ADAMTS15: variants seen among roughly 807,000 people sequenced by gnomAD.
ADAMTS15 encodes the protein A disintegrin and metalloproteinase with thrombospondin motifs 15.
In ADAMTS15, 35 loss-of-function variants were observed where a neutral mutation model predicts 79.1. The observed-to-expected ratio is 0.44, with a 90% CI of 0.34 to 0.59. ADAMTS15 has a LOEUF of 0.59. Ranked by LOEUF, ADAMTS15 falls within the 20% of genes least tolerant of loss-of-function variation. The pLI is 0.02. For synonymous variants in ADAMTS15, 616 were observed against 567.3 expected, an observed-to-expected ratio of 1.09 and a Z score of -1.22; for missense variants, 1,324 against 1,318.7, an observed-to-expected ratio of 1.00 and a Z score of -0.06.
chr11:130,473,145 T>C lies in ADAMTS15; in HGVS notation c.2177T>C (p.Leu726Pro). 6.2e-7 allele frequency: 1 copy of C among 1,614,120 alleles called. No individual in the cohort carries two copies. Among genetic ancestry groups the C allele is most frequent in the Non-Finnish European group, 8.5e-7 (1 of 1,180,046 alleles). ...YKGLIGDDNYLALKNSQGKYL... is the reference protein window; with the variant it reads ...YKGLIGDDNYPALKNSQGKYL... ...GGGCTGATCGGGGATGACAACTACC[T>C]GGCTCTGAAGAACAGCCAAGGCAAG... is the stretch of plus-strand genomic sequence containing the variant. Residue 726 changes from leucine (L) to proline (P), a missense_variant, in exon 8 of 8, where the codon CTG becomes CCG. Physicochemically the swap from Leu to Pro is moderately conservative, Grantham distance 98. Coordinates refer to ENST00000299164, the MANE Select transcript of ADAMTS15 (RefSeq NM_139055.4).
intron 7 of ADAMTS15, 42 bp from the exon 8 acceptor site, chr11:130,473,005 C>T (rs776998408): frequency 1.2e-6 from 2 of 1,601,486 alleles, no homozygotes; most frequent in Non-Finnish European, 1.7e-6. Context: ...GTCCTCAGGT[C>T]CAGGCTTCTA....
In ADAMTS15 at chr11:130,449,140, A is replaced by G. The variant is rs370618159; in HGVS notation, c.167A>G (p.Gln56Arg). ...TCCGGGGATCAGGGACTCATTTTTC[A>G]GATCACAGCATTTCAGGAGGACTTT... The part of the protein sequence containing the change: ...EDSGDQGLIF[Q>R]ITAFQEDFYL... The change falls in exon 1 of 8, where the codon CAG becomes CGG. Residue 56 changes from glutamine to arginine, a missense_variant. Physicochemically the swap from Gln to Arg is conservative, Grantham distance 43 (BLOSUM62 1). Coordinates refer to ENST00000299164, the MANE Select transcript of ADAMTS15 (RefSeq NM_139055.4). The surrounding 1 kb of genome is among the most constrained non-coding windows in gnomAD (Gnocchi z 7.8). 8.8e-6 allele frequency: 14 copies of G among 1,596,816 alleles called. No individual in the cohort carries two copies. The highest frequency in any genetic ancestry group is 1.7e-4 in the Middle Eastern group (1 of 6,020).
In ADAMTS15 at chr11:130,449,407, C is replaced by G. The variant is rs1350696144; in HGVS notation, c.434C>G (p.Pro145Arg). ...VISPLPNASA[P>R]AAQRNSQGAH... is the part of the protein sequence containing the mutation. ...AGCCCGCTGCCCAATGCTAGCGCGC[C>G]GGCGGCGCAGCGCAACAGCCAGGGC... Residue 145 changes from proline (P) to arginine (R), a missense_variant, in exon 1 of 8, where the codon CCG becomes CGG. Coordinates refer to ENST00000299164, the MANE Select transcript of ADAMTS15 (RefSeq NM_139055.4). This position sits in a 1 kb window ranked among gnomAD's most constrained non-coding sequence, Gnocchi z 7.8. 4 of 1,598,000 alleles carry G rather than the reference C, an allele frequency of 2.5e-6. No individual in the cohort carries two copies. Among genetic ancestry groups the G allele is most frequent in the Non-Finnish European group, 2.5e-6 (3 of 1,177,068 alleles).
intron 1 of ADAMTS15, among the ~76,000 whole-genome samples, chr11:130,454,182 C>T (rs1938026668): frequency 6.6e-6 from 1 of 152,182 alleles, no homozygotes; most frequent in Non-Finnish European, 1.5e-5. Context: ...TCTGTTTCCT[C>T]TCCTCTCACT....
At chr11:130,458,947 A>G (rs1420943095) in intron 1 of ADAMTS15, among the ~76,000 whole-genome samples, 2 of 144,178 alleles carry the variant, frequency 1.4e-5, no homozygotes, top group Admixed American at 1.4e-4. Context: ...TCCCTTCCCC[A>G]CAGTTCACAC....
At chr11:130,467,596 G>A (rs1279834175) in intron 4 of ADAMTS15, among the ~76,000 whole-genome samples, 1 of 152,114 alleles carries the variant, frequency 6.6e-6, no homozygotes, top group African/African-American at 2.4e-5. Flanking sequence ...TAGGCACTGT[G>A]AGGGACGGTC....
In ADAMTS15 at chr11:130,472,889, G is replaced by A. The variant is rs1305120202; in HGVS notation, c.2079-158G>A. Among the ~76,000 whole-genome samples the A allele has an allele frequency of 6.6e-6, 1 of 152,192 alleles. No homozygotes were observed. Among genetic ancestry groups the A allele is most frequent in the Admixed American group, 6.5e-5 (1 of 15,282 alleles). On this transcript the variant is annotated intron_variant, in intron 7 of 7. Coordinates refer to ENST00000299164, the MANE Select transcript of ADAMTS15 (RefSeq NM_139055.4). The surrounding 1 kb of genome is among the most constrained non-coding windows in gnomAD (Gnocchi z 4.7). ...GTTCAGCAGCTTTCCAGCACCAATC[G>A]CCAAGGGGCAGGGACCTCTCTGACT...
At chr11:130,470,133 C>CATGT (rs1555080995) in intron 5 of ADAMTS15, among the ~76,000 whole-genome samples, 5 of 74,818 alleles carry the variant, frequency 6.7e-5, no homozygotes, top group African/African-American at 2.3e-4. Flanking sequence ...TATATATATA[C>CATGT]ATATATATAT....
In ADAMTS15 at chr11:130,473,015, A is replaced by G. The variant is rs374920875; in HGVS notation, c.2079-32A>G. 239 of 1,608,144 alleles carry G rather than the reference A, an allele frequency of 1.5e-4. No individual in the cohort carries two copies. The African/African-American group carries it at 2.7e-3, about 18-fold the overall frequency. On this transcript the variant is annotated intron_variant, in intron 7 of 7. Coordinates refer to ENST00000299164, the MANE Select transcript of ADAMTS15 (RefSeq NM_139055.4). Reference sequence around the variant, plus strand: ...ATAAGGTCCTCAGGTCCAGGCTTCTATCTGATGCACGGCCCCCCTTTCCCC... The same window carrying G: ...ATAAGGTCCTCAGGTCCAGGCTTCTGTCTGATGCACGGCCCCCCTTTCCCC...
rs1241814493 is a variant in ADAMTS15 at position 130,461,691 on chromosome 11, T to C, written c.1090+70T>C. ...GGGAGCCTGGAGGGTGGGAGACGTG[T>C]GTCTTTGCCCCCTTGTGTTCTGAAG... On this transcript the variant is annotated intron_variant, in intron 2 of 7. Transcript: ENST00000299164. 7 of 1,593,632 alleles carry C rather than the reference T, an allele frequency of 4.4e-6. No homozygotes were observed. The East Asian group carries it at 1.6e-4, about 36-fold the overall frequency.
In ADAMTS15 at chr11:130,471,337, G is replaced by A. The variant is rs761380484; in HGVS notation, c.2032G>A (p.Asp678Asn). ...RFDKCGVCGG[D>N]NKSCKKVTGL... ...CGACAAGTGTGGGGTGTGTGGGGGA[G>A]ACAATAAGAGCTGCAAGAAGGTGAC... The change falls in exon 7 of 8, where the codon GAC (aspartate) becomes AAC (asparagine). Residue 678 changes from aspartate (D) to asparagine (N), a missense_variant. Physicochemically the swap from Asp to Asn is conservative, Grantham distance 23 (BLOSUM62 1). Transcript: ENST00000299164. 9.9e-6 allele frequency: 16 copies of A among 1,611,954 alleles called. No individual in the cohort carries two copies. The highest frequency in any genetic ancestry group is 1.7e-4 in the Middle Eastern group (1 of 6,052).
chr11:130,473,669 G>A lies in ADAMTS15; in HGVS notation c.2701G>A (p.Ala901Thr), dbSNP rs568020707. 7.5e-6 allele frequency: 12 copies of A among 1,605,302 alleles called. No homozygotes were observed. The Admixed American group carries it at 1.2e-4, about 16-fold the overall frequency. ...GEPCPTWELS[A>T]WSPCSKSCGR... Reference sequence around the variant, plus strand: ...GCCCTGCCCCACCTGGGAGCTCAGCGCCTGGTCACCCTGCTCCAAGAGCTG... The same window carrying A: ...GCCCTGCCCCACCTGGGAGCTCAGCACCTGGTCACCCTGCTCCAAGAGCTG... The change falls in exon 8 of 8, where the codon GCC becomes ACC. Residue 901 changes from alanine (A) to threonine (T), a missense_variant. Transcript: ENST00000299164.
rs769702744 is a variant in ADAMTS15, at chr11:130,449,786, T to G, written c.813T>G (p.Leu271=). ...PINIVVVKVL[L]LRDRDSGPKV... ...ACATCGTTGTGGTCAAGGTGCTGCTTCTTAGAGATCGTGACTCCGGGCCCA... is the reference window on the plus strand; with the variant it reads ...ACATCGTTGTGGTCAAGGTGCTGCTGCTTAGAGATCGTGACTCCGGGCCCA... Residue 271 remains leucine (L), a synonymous_variant, in exon 1 of 8, where the codon CTT becomes CTG. Transcript: ENST00000299164. This position sits in a 1 kb window ranked among gnomAD's most constrained non-coding sequence, Gnocchi z 7.8. 10 of 1,612,134 alleles carry G rather than the reference T, an allele frequency of 6.2e-6. No homozygotes were observed. Among genetic ancestry groups the G allele is most frequent in the East Asian group, 2.2e-5 (1 of 44,888 alleles).
intron 1 of ADAMTS15, among the ~76,000 whole-genome samples, chr11:130,455,964 T>C (rs1036866466): frequency 6.6e-6 from 1 of 152,192 alleles, no homozygotes; most frequent in African/African-American, 2.4e-5. Context: ...TGGGGCGATA[T>C]GCACCAGAGG....
chr11:130,455,450 T>C (rs1373007135), intron 1 of ADAMTS15, among the ~76,000 whole-genome samples: 2 of 152,206 alleles, frequency 1.3e-5, no homozygotes, highest in East Asian at 3.8e-4. Context: ...TGGAACCTCT[T>C]TAGTCTTTGT....
chr11:130,458,299 G>A (rs1938129471), intron 1 of ADAMTS15, among the ~76,000 whole-genome samples: 1 of 152,068 alleles, frequency 6.6e-6, no homozygotes, highest in African/African-American at 2.4e-5. Context: ...GCCTCAAGTC[G>A]TCCTCCCGCC....
rs144071338 is a variant in ADAMTS15 at position 130,465,603 on chromosome 11, A to G, written c.1542+2823A>G. ...CCCACTTTTCTCTGCTGCCCATTCCAAACAGGCTTTGACTGACATCATTTC... is the reference window on the plus strand; with the variant it reads ...CCCACTTTTCTCTGCTGCCCATTCCGAACAGGCTTTGACTGACATCATTTC... On this transcript the variant is annotated intron_variant, in intron 4 of 7. Transcript: ENST00000299164. Among the ~76,000 whole-genome samples the G allele has an allele frequency of 3.1e-3, 469 of 152,234 alleles. 1 individual carries two copies. The highest frequency in any genetic ancestry group is 0.01 in the African/African-American group (421 of 41,542).
In ADAMTS15 at chr11:130,473,918, C is replaced by A; in HGVS notation, c.*97C>A. On this transcript the variant is annotated 3_prime_UTR_variant, in exon 8 of 8. Coordinates refer to ENST00000299164, the MANE Select transcript of ADAMTS15 (RefSeq NM_139055.4). ...GGGCAGAGGACGGTGGCCAGGGGCTCACGCCACGATGTCACCCACATCCGG... is the reference window on the plus strand; with the variant it reads ...GGGCAGAGGACGGTGGCCAGGGGCTAACGCCACGATGTCACCCACATCCGG... The A allele has an allele frequency of 7.0e-7, 1 of 1,425,732 alleles. No individual in the cohort carries two copies. The highest frequency in any genetic ancestry group is 9.3e-7 in the Non-Finnish European group (1 of 1,079,762). The allele number at this position is 1,425,732 out of a possible 1,614,324, so 88.3% of individuals were successfully genotyped here.
chr11:130,466,809 A>G (rs977242096), intron 4 of ADAMTS15, among the ~76,000 whole-genome samples: 5 of 152,022 alleles, frequency 3.3e-5, no homozygotes, highest in Admixed American at 3.3e-4. Flanking sequence ...GGCTTACTTC[A>G]GGCTCATCTC....
Sources: gnomAD v4.1 joint callset for allele counts (sites outside exome capture counted in the v4.1 genomes callset) on GRCh38, gnomAD v4.1.1 for gene constraint, Gnocchi (gnomAD v3.1) non-coding constraint, MANE v1.5 for transcripts, NCBI Gene and HGNC (gene_info 2026-07-23, HGNC 2026-07-21) for gene names.